The following CEMIP variants were observed in gnomAD, a reference collection of about 807,000 sequenced individuals.
The protein encoded by CEMIP is cell migration-inducing and hyaluronan-binding protein.
CEMIP carries 105 observed loss-of-function variants against 156.9 expected under a neutral mutation model. The observed-to-expected ratio is 0.67, with a 90% CI of 0.57 to 0.79. The LOEUF is 0.79. CEMIP is among the 30% of genes least tolerant of loss of function. The probability of loss-of-function intolerance (pLI) is 0.00; values close to 1 mark genes in which losing one functional copy is unlikely to be tolerated. For synonymous variants in CEMIP, 676 were observed against 668.4 expected (o/e 1.01, Z -0.17); for missense variants, 1,457 against 1,769.4 (o/e 0.82, Z 3.17).
chr15:80,863,738 A>G (rs1020633229), intron 1 of CEMIP, among the ~76,000 whole-genome samples: 2 of 152,294 alleles, frequency 1.3e-5, no homozygotes, highest in East Asian at 1.9e-4. Context: ...GGGGGCCCGG[A>G]GGAAGTTCGT....
intron 28 of CEMIP, among the ~76,000 whole-genome samples, chr15:80,944,044 C>T (rs183365735): frequency 6.6e-6 from 1 of 152,258 alleles, no homozygotes; most frequent in East Asian, 1.9e-4. Context: ...CTTTGGGAGG[C>T]CGAGGTGGGT....
chr15:80,925,001 C>T (rs995154507), intron 18 of CEMIP, among the ~76,000 whole-genome samples: 1 of 152,122 alleles, frequency 6.6e-6, no homozygotes, highest in African/African-American at 2.4e-5. Flanking sequence ...GTAGGTTGGG[C>T]CAGGATGAAA....
At chr15:80,892,533 C>G (rs1303855701) in intron 10 of CEMIP, among the ~76,000 whole-genome samples, 1 of 152,184 alleles carries the variant, frequency 6.6e-6, no homozygotes, top group African/African-American at 2.4e-5. Context: ...GTGTTCCCCA[C>G]AGCAGCTGGT....
At chr15:80,933,584 T>TTTTC in intron 23 of CEMIP, 124 bp downstream of exon 23, 1 of 735,536 alleles carries the variant, frequency 1.4e-6, no homozygotes, top group South Asian at 2.0e-5. Context: ...TTTTTTTTCT[T>TTTTC]TTTCTTTCTT....
At chr15:80,855,138 G>A (rs1025538194) in intron 1 of CEMIP, among the ~76,000 whole-genome samples, 1 of 152,200 alleles carries the variant, frequency 6.6e-6, no homozygotes, top group South Asian at 2.1e-4. Context: ...AGTGAGATGT[G>A]ATCATGCCAC....
intron 1 of CEMIP, among the ~76,000 whole-genome samples, chr15:80,804,871 G>A (rs1178140843): frequency 6.6e-6 from 1 of 152,136 alleles, no homozygotes; most frequent in Non-Finnish European, 1.5e-5. Context: ...TTTGGTTGTT[G>A]CTTAATAAAA....
chr15:80,937,936 A>C lies in CEMIP; in HGVS notation c.3364A>C (p.Ser1122Arg). 6.2e-7 allele frequency: 1 copy of C among 1,614,208 alleles called. No individual in the cohort carries two copies. The highest frequency in any genetic ancestry group is 1.7e-5 in the Admixed American group (1 of 60,030). Reference protein sequence around the residue: ...RTLQMDKVEQSYPGRSHYYWD... With the variant: ...RTLQMDKVEQRYPGRSHYYWD... Reference sequence around the variant, plus strand: ...CTTGCAGATGGACAAAGTGGAGCAGAGCTACCCTGGCAGGAGCCACTACTA... The same window carrying C: ...CTTGCAGATGGACAAAGTGGAGCAGCGCTACCCTGGCAGGAGCCACTACTA... Residue 1122 changes from serine (S) to arginine (R), a missense_variant, in exon 25 of 30, where the codon AGC becomes CGC. Physicochemically the swap from Ser to Arg is moderately radical, Grantham distance 110. Coordinates refer to ENST00000394685, the MANE Select transcript of CEMIP (RefSeq NM_001293298.2).
chr15:80,883,834 C>T (rs1898743278), intron 6 of CEMIP, among the ~76,000 whole-genome samples: 1 of 152,178 alleles, frequency 6.6e-6, no homozygotes, highest in Non-Finnish European at 1.5e-5. Context: ...TCCTCTGCCT[C>T]CAGGATGAAA....
At chr15:80,942,136 C>G in intron 26 of CEMIP, 83 bp downstream of exon 26, 1 of 1,494,510 alleles carries the variant, frequency 6.7e-7, no homozygotes, top group East Asian at 2.3e-5. Flanking sequence ...GGCCCAGACC[C>G]AATTAGGTCC....
Position 80,938,378 on chromosome 15 carries a change from G to A in CEMIP, c.3407+399G>A, listed in dbSNP as rs542169446. ...TCCCAGCACTTTGGGAGGCCGAGGT[G>A]GGTGGATCACAAGGTCAGGAGTTCG... On this transcript the variant is annotated intron_variant, in intron 25 of 29. Transcript: ENST00000394685. Among the ~76,000 whole-genome samples, 20 of 152,254 alleles carry A rather than the reference G, an allele frequency of 1.3e-4. No homozygotes were observed. In the South Asian group the frequency reaches 3.9e-3, roughly 30 times the overall value.
intron 14 of CEMIP, among the ~76,000 whole-genome samples, chr15:80,918,838 G>C (rs1900367654): frequency 6.6e-6 from 1 of 152,090 alleles, no homozygotes; most frequent in East Asian, 1.9e-4. Context: ...GGATTGGACA[G>C]GGGGGTGGGG....
intron 1 of CEMIP, among the ~76,000 whole-genome samples, chr15:80,858,355 C>T (rs904570872): frequency 2.6e-5 from 4 of 152,064 alleles, no homozygotes; most frequent in Admixed American, 1.3e-4. Context: ...TATTCTTTTC[C>T]GATAAAGTAA....
chr15:80,842,306 C>G (rs563400801), intron 1 of CEMIP, among the ~76,000 whole-genome samples: 1 of 152,266 alleles, frequency 6.6e-6, no homozygotes, highest in Admixed American at 6.5e-5. Flanking sequence ...CTTTCTCCCC[C>G]ACCAGGACCT....
At chr15:80,865,670 T>G (rs1898107486) in intron 1 of CEMIP, among the ~76,000 whole-genome samples, 1 of 145,344 alleles carries the variant, frequency 6.9e-6, no homozygotes, top group African/African-American at 2.6e-5. Context: ...TTTTTTTTTA[T>G]AGCTCATCAG....
At chr15:80,903,652 TG>T (rs773519363) in intron 12 of CEMIP, among the ~76,000 whole-genome samples, 21 of 152,162 alleles carry the variant, frequency 1.4e-4, no homozygotes, top group East Asian at 1.9e-4. Flanking sequence ...ATCCCCTGCC[TG>T]GCAAGACTGA....
rs761974105 is a variant in CEMIP at position 80,889,601 on chromosome 15, C to T, written c.1086+9C>T. The stretch of plus-strand genomic sequence containing the variant: ...GTCCCATTGATATACAGGTACCAAA[C>T]TCACAGCAAAAATAGAAAATAGAAA... On this transcript the variant is annotated intron_variant, in intron 10 of 29. Transcript: ENST00000394685. 20 of 1,613,894 alleles carry T rather than the reference C, an allele frequency of 1.2e-5. No individual in the cohort carries two copies. Among genetic ancestry groups the T allele is most frequent in the East Asian group, 2.2e-5 (1 of 44,896 alleles).
chr15:80,816,942 T>C (rs1896799901), intron 1 of CEMIP, among the ~76,000 whole-genome samples: 1 of 152,148 alleles, frequency 6.6e-6, no homozygotes, highest in Admixed American at 6.5e-5. Flanking sequence ...AGAGATCTTA[T>C]TTATATGCCT....
At chr15:80,846,936 C>T (rs1206451381) in intron 1 of CEMIP, among the ~76,000 whole-genome samples, 1 of 152,140 alleles carries the variant, frequency 6.6e-6, no homozygotes, top group African/African-American at 2.4e-5. Context: ...AAGATCAAGT[C>T]CAGGGTTCCA....
At chr15:80,921,352 A>G (rs1596192867) in intron 16 of CEMIP, among the ~76,000 whole-genome samples, 1 of 152,328 alleles carries the variant, frequency 6.6e-6, no homozygotes, top group East Asian at 1.9e-4. Flanking sequence ...TGAACACTGA[A>G]CGCTTTATGT....
Sources: allele counts gnomAD v4.1 joint callset (sites outside exome capture counted in the v4.1 genomes callset), GRCh38; gene constraint gnomAD v4.1.1; transcripts MANE v1.5; gene names NCBI Gene and HGNC (gene_info 2026-07-23, HGNC 2026-07-21).